CD200R1: variants seen among roughly 807,000 people sequenced by gnomAD.
CD200R1 encodes CD200 receptor 1.
In CD200R1, 30 loss-of-function variants were observed where a neutral mutation model predicts 38.1. The observed-to-expected ratio is 0.79, with a 90% CI of 0.59 to 1.07. The LOEUF (loss-of-function observed/expected upper bound fraction) is 1.07, where lower values mean the gene tolerates loss of function less well. CD200R1 is among the 50% of genes least tolerant of loss of function. The pLI, the probability that CD200R1 is intolerant of heterozygous loss-of-function variation, is 0.00. For synonymous variants in CD200R1, 128 were observed against 152.1 expected, an observed-to-expected ratio of 0.84 and a Z score of 1.16; for missense variants, 372 against 415.4, an observed-to-expected ratio of 0.90 and a Z score of 0.91.
At chr3:112,972,207 C>T (rs899938563) in intron 1 of CD200R1, among the ~76,000 whole-genome samples, 2 of 152,032 alleles carry the variant, frequency 1.3e-5, no homozygotes, top group African/African-American at 4.8e-5. Flanking sequence ...CACAAATATG[C>T]AAACTAGAAA....
chr3:112,972,590 G>A (rs1427782560), intron 1 of CD200R1, among the ~76,000 whole-genome samples: 2 of 152,134 alleles, frequency 1.3e-5, no homozygotes, highest in East Asian at 3.8e-4. Context: ...GGGAGTGTCC[G>A]GGAAGGGGAC....
chr3:112,956,138 T>G (rs369022901), intron 1 of CD200R1, among the ~76,000 whole-genome samples: 2 of 152,148 alleles, frequency 1.3e-5, no homozygotes, highest in African/African-American at 4.8e-5. Flanking sequence ...TGAACTCCAA[T>G]GACTCAAACA....
At chr3:112,955,662 C>T (rs1941081579) in intron 1 of CD200R1, among the ~76,000 whole-genome samples, 1 of 152,036 alleles carries the variant, frequency 6.6e-6, no homozygotes, top group Non-Finnish European at 1.5e-5. Flanking sequence ...GTGCCCACCA[C>T]TACTGATGAG....
chr3:112,958,301 C>T (rs1163675155), intron 1 of CD200R1, among the ~76,000 whole-genome samples: 1 of 152,044 alleles, frequency 6.6e-6, no homozygotes, highest in Non-Finnish European at 1.5e-5. Context: ...GAATACGACT[C>T]AATAGCAAAA....
intron 1 of CD200R1, among the ~76,000 whole-genome samples, chr3:112,963,438 GT>G (rs1327947136): frequency 6.6e-6 from 1 of 152,220 alleles, no homozygotes; most frequent in Non-Finnish European, 1.5e-5. Context: ...CCAGGCTTAG[GT>G]GGTCTCAGAT....
At chr3:112,941,668 T>A (rs1198122212) in intron 2 of CD200R1, among the ~76,000 whole-genome samples, 2 of 151,534 alleles carry the variant, frequency 1.3e-5, no homozygotes, top group African/African-American at 4.8e-5. Context: ...ATACTTTAAA[T>A]AATAATGACT....
At chr3:112,940,155 A>G (rs1173782828) in intron 2 of CD200R1, among the ~76,000 whole-genome samples, 1 of 151,450 alleles carries the variant, frequency 6.6e-6, no homozygotes, top group African/African-American at 2.4e-5. Context: ...CTCTCACCCC[A>G]TACAAAAATC....
intron 1 of CD200R1, among the ~76,000 whole-genome samples, chr3:112,955,863 T>C (rs1442263543): frequency 6.6e-6 from 1 of 151,886 alleles, no homozygotes; most frequent in Admixed American, 6.6e-5. Context: ...GGCTGAGAAG[T>C]CCACTTCTAG....
intron 2 of CD200R1, among the ~76,000 whole-genome samples, chr3:112,940,477 C>G (rs948300968): frequency 1.3e-5 from 2 of 151,474 alleles, no homozygotes; most frequent in African/African-American, 2.4e-5. Flanking sequence ...AACAGAAAAA[C>G]TAACTTAAAA....
intron 1 of CD200R1, among the ~76,000 whole-genome samples, chr3:112,970,937 G>A (rs927886118): frequency 6.6e-5 from 10 of 152,138 alleles, no homozygotes; most frequent in African/African-American, 1.9e-4. Flanking sequence ...ACTGGAAAGA[G>A]ATAAGTATGG....
At chr3:112,950,425 A>G (rs1488922619) in intron 1 of CD200R1, among the ~76,000 whole-genome samples, 1 of 151,946 alleles carries the variant, frequency 6.6e-6, no homozygotes, top group Non-Finnish European at 1.5e-5. Flanking sequence ...AGGAAAAAAA[A>G]ATCCTCAGTC....
chr3:112,965,954 A>G (rs1456631796), intron 1 of CD200R1, among the ~76,000 whole-genome samples: 1 of 146,618 alleles, frequency 6.8e-6, no homozygotes, highest in African/African-American at 2.7e-5. Context: ...GGCGAACAAA[A>G]AGGTTAAGAA....
At chr3:112,958,173 C>G (rs1401579929) in intron 1 of CD200R1, among the ~76,000 whole-genome samples, 2 of 151,866 alleles carry the variant, frequency 1.3e-5, no homozygotes, top group African/African-American at 4.8e-5. Context: ...CCACAGAAGA[C>G]TTATGCATAA....
intron 2 of CD200R1, among the ~76,000 whole-genome samples, chr3:112,941,582 A>G (rs184873007): frequency 6.8e-4 from 103 of 151,680 alleles, no homozygotes; most frequent in African/African-American, 2.5e-3. Flanking sequence ...TCACAATCAC[A>G]ATAGTTTTAA....
chr3:112,949,227 T>C (rs1327580098), intron 1 of CD200R1, among the ~76,000 whole-genome samples: 2 of 152,220 alleles, frequency 1.3e-5, no homozygotes, highest in Non-Finnish European at 2.9e-5. Flanking sequence ...GCTCTAACTG[T>C]GCAAGGCACA....
chr3:112,925,084 C>T lies in CD200R1; in HGVS notation c.878+1G>A, dbSNP rs754459648. On this transcript the variant is annotated splice_donor_variant, in intron 6 of 7. Coordinates refer to ENST00000308611, the MANE Select transcript of CD200R1 (RefSeq NM_138806.4). LOFTEE classifies it high-confidence loss of function. ...AGAAAAAAACATTCATTAGTCAATACCTGCAGCCATTGACTTTCAACAACC... is the reference window on the plus strand; with the variant it reads ...AGAAAAAAACATTCATTAGTCAATATCTGCAGCCATTGACTTTCAACAACC... The T allele has an allele frequency of 3.3e-6, 5 of 1,520,556 alleles. No individual in the cohort carries two copies. The highest frequency in any genetic ancestry group is 4.6e-6 in the Non-Finnish European group (5 of 1,096,310). 94.2% of individuals were successfully genotyped at this position (1,520,556 alleles called of 1,614,324 possible).
At chr3:112,966,599 A>G (rs1055508703) in intron 1 of CD200R1, among the ~76,000 whole-genome samples, 6 of 152,196 alleles carry the variant, frequency 3.9e-5, no homozygotes, top group Non-Finnish European at 7.3e-5. Context: ...GGTAGCATTC[A>G]TGGTAAGGTA....
At chr3:112,945,760 T>A (rs1940834235) in intron 2 of CD200R1, among the ~76,000 whole-genome samples, 1 of 152,144 alleles carries the variant, frequency 6.6e-6, no homozygotes, top group Admixed American at 6.5e-5. Flanking sequence ...CTAAGAGCAG[T>A]GGCTCACGCC....
At position 112,928,899 on chromosome 3, in the gene CD200R1, C is replaced by T. The variant is rs765707816; in HGVS notation, c.686G>A (p.Trp229Ter). The T allele has an allele frequency of 2.5e-6, 4 of 1,613,998 alleles. No individual in the cohort carries two copies. Among genetic ancestry groups the T allele is most frequent in the Non-Finnish European group, 3.4e-6 (4 of 1,179,998 alleles). ...CACGGTAGACACATTGTGGACCTCC[C>T]AGTGGCATGTACTCTTAACAGTCAC... is the stretch of plus-strand genomic sequence containing the variant. ...GTVTVKSTCH[W>*]EVHNVSTVTC... Residue 229 changes from tryptophan to a stop codon, truncating the protein, a stop_gained, in exon 5 of 8, where the codon TGG becomes TAG. Transcript: ENST00000308611. LOFTEE classifies it high-confidence loss of function.
Sources: allele counts gnomAD v4.1 joint callset (sites outside exome capture counted in the v4.1 genomes callset), GRCh38; gene constraint gnomAD v4.1.1; transcripts MANE v1.5; gene names NCBI Gene and HGNC (gene_info 2026-07-23, HGNC 2026-07-21).